SOX6: variants seen among roughly 807,000 people sequenced by gnomAD.
SOX6 encodes SRY-box transcription factor 6.
A neutral mutation model predicts 97.8 loss-of-function variants in SOX6; 11 were observed. That is an observed-to-expected ratio of 0.11 (90% CI 0.07 to 0.19). SOX6 has a LOEUF of 0.19. SOX6 is among the 10% of genes least tolerant of loss of function. The probability of loss-of-function intolerance (pLI) is 1.00; values close to 1 mark genes in which losing one functional copy is unlikely to be tolerated. For synonymous variants in SOX6, 360 were observed against 371.4 expected (o/e 0.97, Z 0.35); for missense variants, 810 against 1,039.5 (o/e 0.78, Z 3.04).
chr11:16,377,806 A>G (rs188622382), intron 1 of SOX6, among the ~76,000 whole-genome samples: 32 of 152,296 alleles, frequency 2.1e-4, no homozygotes, highest in African/African-American at 6.0e-4. Context: ...CAAGCATTTA[A>G]AAAGTAAAAA....
intron 6 of SOX6, among the ~76,000 whole-genome samples, chr11:16,181,586 T>A (rs1851349257): frequency 1.3e-5 from 2 of 150,640 alleles, no homozygotes; most frequent in African/African-American, 2.4e-5. Context: ...AAAGTCTGAA[T>A]GTCAAATACC....
chr11:16,515,905 A>C (rs1449593692), intron 4 of SOX6, among the ~76,000 whole-genome samples: 2 of 141,652 alleles, frequency 1.4e-5, no homozygotes, highest in African/African-American at 5.1e-5. Context: ...CCATTGATCT[A>C]TATCTCTGTT....
intron 15 of SOX6, among the ~76,000 whole-genome samples, chr11:15,985,852 A>G (rs1007742043): frequency 3.3e-5 from 5 of 152,168 alleles, no homozygotes; most frequent in Admixed American, 2.6e-4. Flanking sequence ...GAAGCTGGAA[A>G]GCTTATGGGG....
At position 16,237,064 on chromosome 11, in the gene SOX6, C is replaced by T. The variant is rs959834215; in HGVS notation, c.446-2393G>A. Among the ~76,000 whole-genome samples the T allele has an allele frequency of 2.6e-5, 4 of 151,842 alleles. 1 individual carries two copies. Among genetic ancestry groups the T allele is most frequent in the Non-Finnish European group, 5.9e-5 (4 of 67,870 alleles). On this transcript the variant is annotated intron_variant, in intron 3 of 15. Transcript: ENST00000683767. ...AATATTTAATAGCAACCACTGATTG[C>T]CTTTATCTATAGGACAATGAAAGTT...
At chr11:16,670,776 C>T (rs771530604) in intron 3 of SOX6, among the ~76,000 whole-genome samples, 4 of 152,188 alleles carry the variant, frequency 2.6e-5, no homozygotes, top group South Asian at 2.1e-4. Context: ...GTCCCTTCCT[C>T]GGCTGCCTCC....
intron 2 of SOX6, among the ~76,000 whole-genome samples, chr11:16,334,452 G>A (rs1265740276): frequency 6.6e-6 from 1 of 151,014 alleles, no homozygotes; most frequent in Non-Finnish European, 1.5e-5. Flanking sequence ...TTTTGAGATG[G>A]AGTCTTGCTC....
chr11:16,564,019 A>G (rs1847842423), intron 4 of SOX6, among the ~76,000 whole-genome samples: 1 of 152,198 alleles, frequency 6.6e-6, no homozygotes, highest in Non-Finnish European at 1.5e-5. Context: ...AATATCCCTT[A>G]GGGATGCAGG....
chr11:16,719,732 T>G (rs1049908173), intron 2 of SOX6, among the ~76,000 whole-genome samples: 1 of 152,118 alleles, frequency 6.6e-6, no homozygotes, highest in Non-Finnish European at 1.5e-5. Context: ...GAGGCTAGCC[T>G]GGGCAACATA....
intron 9 of SOX6, among the ~76,000 whole-genome samples, chr11:16,089,466 A>G (rs1292761134): frequency 2.6e-5 from 4 of 152,144 alleles, no homozygotes; most frequent in Admixed American, 6.6e-5. Flanking sequence ...TATAATTGAG[A>G]AAAGAATCCT....
chr11:16,449,837 G>A (rs117195235), intron 1 of SOX6, among the ~76,000 whole-genome samples: 2 of 152,256 alleles, frequency 1.3e-5, no homozygotes, highest in East Asian at 3.9e-4. Flanking sequence ...AATGGAGGTA[G>A]AAAAAGTCAA....
chr11:16,292,111 A>T (rs1211334777), intron 3 of SOX6, among the ~76,000 whole-genome samples: 1 of 152,144 alleles, frequency 6.6e-6, no homozygotes, highest in Non-Finnish European at 1.5e-5. Context: ...TAGCCCATTC[A>T]AACAAGATTA....
At chr11:16,208,699 T>C (rs1852138048) in intron 4 of SOX6, among the ~76,000 whole-genome samples, 1 of 152,218 alleles carries the variant, frequency 6.6e-6, no homozygotes, top group Non-Finnish European at 1.5e-5. Flanking sequence ...ATGGTATTAA[T>C]GGATGTGATG....
intron 5 of SOX6, 144 bp from the exon 6 acceptor site, chr11:16,184,098 A>G: frequency 1.3e-6 from 1 of 763,196 alleles, no homozygotes; most frequent in Non-Finnish European, 2.2e-6. Flanking sequence ...GCCAAATCAG[A>G]AAGATGGATG....
chr11:16,061,363 C>T (rs746580397), intron 9 of SOX6, among the ~76,000 whole-genome samples: 1 of 145,670 alleles, frequency 6.9e-6, no homozygotes, highest in South Asian at 2.1e-4. Flanking sequence ...ACAAGGAAAA[C>T]TATAGAACAC....
At chr11:16,367,691 T>C (rs1857392159) in intron 1 of SOX6, among the ~76,000 whole-genome samples, 1 of 152,200 alleles carries the variant, frequency 6.6e-6, no homozygotes, top group Non-Finnish European at 1.5e-5. Context: ...ATGCATGATT[T>C]ACAAATTCTA....
chr11:16,637,843 G>A (rs907947769), intron 3 of SOX6, among the ~76,000 whole-genome samples: 15 of 151,642 alleles, frequency 9.9e-5, no homozygotes, highest in African/African-American at 2.7e-4. Flanking sequence ...TGTGTGCAAC[G>A]TTTTATAGGC....
At chr11:16,090,016 T>G (rs1261500055) in intron 9 of SOX6, among the ~76,000 whole-genome samples, 2 of 152,120 alleles carry the variant, frequency 1.3e-5, no homozygotes, top group African/African-American at 4.8e-5. Flanking sequence ...TGCAGATATA[T>G]GATACATAAT....
rs1850922462 is a variant in SOX6, at chr11:16,167,662, A to G, written c.777+16224T>C. ...AGCTAGCAAGCCCCCATCAGCTAGC[A>G]TGCTCTGCTGTTTCCTCTGCCCTGG... On this transcript the variant is annotated intron_variant, in intron 6 of 15. Transcript: ENST00000683767. Among the ~76,000 whole-genome samples the G allele has an allele frequency of 1.3e-5, 2 of 152,182 alleles. 1 individual carries two copies. Among genetic ancestry groups the G allele is most frequent in the South Asian group, 4.1e-4 (2 of 4,832 alleles).
chr11:16,713,448 C>A (rs1564875153), intron 3 of SOX6, among the ~76,000 whole-genome samples: 1 of 151,696 alleles, frequency 6.6e-6, no homozygotes, highest in Non-Finnish European at 1.5e-5. Flanking sequence ...TCAGAATATG[C>A]CTGCTTAGAG....
Sources: gnomAD v4.1 joint callset for allele counts (sites outside exome capture counted in the v4.1 genomes callset) on GRCh38, gnomAD v4.1.1 for gene constraint, MANE v1.5 for transcripts, NCBI Gene and HGNC (gene_info 2026-07-23, HGNC 2026-07-21) for gene names.